The following ATG16L1 variants were observed in gnomAD, a reference collection of about 807,000 sequenced individuals.
ATG16L1 encodes the protein autophagy-related protein 16-1.
A neutral mutation model predicts 88.5 loss-of-function variants in ATG16L1; 37 were observed. That is an observed-to-expected ratio of 0.42 (90% confidence interval 0.32 to 0.55). The LOEUF (loss-of-function observed/expected upper bound fraction) is 0.55. Among genes scored for constraint, ATG16L1 ranks in the 20% least tolerant of loss-of-function variants. The pLI is 0.13. For missense variants in ATG16L1, 554 were observed against 752.8 expected, an observed-to-expected ratio of 0.74 and a Z score of 3.09; for synonymous variants, 301 against 281.0, an observed-to-expected ratio of 1.07 and a Z score of -0.71.
chr2:233,252,093 T>A (rs1696412827), intron 1 of ATG16L1, 151 bp downstream of exon 1: 1 of 568,266 alleles, frequency 1.8e-6, no homozygotes, highest in African/African-American at 2.0e-5. Context: ...CCGCACGCCT[T>A]TTAAATGTTT....
chr2:233,270,175 CTCTG>C, intron 6 of ATG16L1, 108 bp downstream of exon 6: 1 of 1,001,232 alleles, frequency 1.0e-6, no homozygotes, highest in Non-Finnish European at 1.4e-6. Flanking sequence ...CAGGGTCTTG[CTCTG>C]TTGCCCAGGC....
At position 233,293,240 on chromosome 2, in the gene ATG16L1, T is replaced by G. The variant is rs1277106110; in HGVS notation, c.1629-16T>G. ...TGGGGAATTGACAACCTTTCTTTTCTTACTGTCTTCTGTAGCCCTGATGGC... is the reference window on the plus strand; with the variant it reads ...TGGGGAATTGACAACCTTTCTTTTCGTACTGTCTTCTGTAGCCCTGATGGC... On this transcript the variant is annotated splice_polypyrimidine_tract_variant and intron_variant, in intron 16 of 17. Transcript: ENST00000392017. 5.6e-6 allele frequency: 9 copies of G among 1,611,442 alleles called. No individual in the cohort carries two copies. In the African/African-American group the frequency reaches 9.4e-5, roughly 17 times the overall value.
At chr2:233,274,283 A>G in intron 8 of ATG16L1, 1 of 507,576 alleles carries the variant, frequency 2.0e-6, no homozygotes, top group Non-Finnish European at 3.5e-6. Context: ...ACAAGTGATG[A>G]GGTTGATTCT....
chr2:233,278,699 G>C (rs1382519636), intron 10 of ATG16L1, among the ~76,000 whole-genome samples: 1 of 152,084 alleles, frequency 6.6e-6, no homozygotes, highest in East Asian at 1.9e-4. Flanking sequence ...AATCTTAGGG[G>C]TACTGCTTTT....
At position 233,265,101 on chromosome 2, in the gene ATG16L1, A is replaced by G. The variant is rs748179936; in HGVS notation, c.599A>G (p.Gln200Arg). Residue 200 changes from glutamine to arginine, a missense_variant, in exon 5 of 18, where the codon CAG (glutamine) becomes CGG (arginine). Physicochemically the swap from Gln to Arg is conservative, Grantham distance 43. Around this residue, in one of 5 missense-constraint regions of ATG16L1, gnomAD observed 370 missense variants for 509.7 expected, o/e 0.73. Coordinates refer to ENST00000392017, the MANE Select transcript of ATG16L1 (RefSeq NM_030803.7). ...LVTRWMAEKA[Q>R]EANRLNAENE... ...ACCAGATGGATGGCTGAGAAAGCCC[A>G]GGAAGCCAATCGGCTTAATGCAGAG... The G allele has an allele frequency of 6.2e-7, 1 of 1,614,234 alleles. No homozygotes were observed.
Position 233,283,750 on chromosome 2 carries a change from T to C in ATG16L1, c.1203+997T>C, listed in dbSNP as rs540394502. Among the ~76,000 whole-genome samples, 8 of 152,210 alleles carry C rather than the reference T, an allele frequency of 5.3e-5. No individual in the cohort carries two copies. The South Asian group carries it at 1.5e-3, about 28-fold the overall frequency. Reference sequence around the variant, plus strand: ...TGGGGTTTCACCATGTTGGCCAGGCTGGTCTTGAACTTCTGACCTCAAGGG... The same window carrying C: ...TGGGGTTTCACCATGTTGGCCAGGCCGGTCTTGAACTTCTGACCTCAAGGG... On this transcript the variant is annotated intron_variant, in intron 12 of 17. Coordinates refer to ENST00000392017, the MANE Select transcript of ATG16L1 (RefSeq NM_030803.7).
chr2:233,270,140 T>TA (rs1697891483), intron 6 of ATG16L1, 73 bp downstream of exon 6: 2 of 1,458,852 alleles, frequency 1.4e-6, no homozygotes, highest in Admixed American at 2.5e-5. Flanking sequence ...TTTTTATTTT[T>TA]TTTTTTGTTT....
intron 14 of ATG16L1, 38 bp from the exon 15 acceptor site, chr2:233,292,090 G>A (rs1699502753): frequency 1.2e-6 from 2 of 1,606,858 alleles, no homozygotes; most frequent in Non-Finnish European, 1.7e-6. Context: ...AGTAGTTCTG[G>A]CCTACGTTAC....
At chr2:233,292,658 T>G (rs551475146) in intron 16 of ATG16L1, among the ~76,000 whole-genome samples, 3 of 152,364 alleles carry the variant, frequency 2.0e-5, no homozygotes, top group Admixed American at 1.3e-4. Flanking sequence ...AAATAACAGT[T>G]GGCTGGTTGC....
intron 12 of ATG16L1, among the ~76,000 whole-genome samples, chr2:233,284,709 A>G (rs1698963302): frequency 6.6e-6 from 1 of 151,958 alleles, no homozygotes. Flanking sequence ...ACCTCAAGTG[A>G]TCCGTCTGCC....
At chr2:233,279,753 C>T (rs1009596770) in intron 10 of ATG16L1, among the ~76,000 whole-genome samples, 2 of 151,950 alleles carry the variant, frequency 1.3e-5, no homozygotes, top group Non-Finnish European at 2.9e-5. Flanking sequence ...ACATAGCACC[C>T]CCCGCCCCCA....
intron 1 of ATG16L1, among the ~76,000 whole-genome samples, chr2:233,252,231 G>C (rs969702669): frequency 6.6e-6 from 1 of 152,216 alleles, no homozygotes; most frequent in Admixed American, 6.5e-5. Flanking sequence ...ACTTAAATAG[G>C]TCCCAGAAAC....
intron 7 of ATG16L1, chr2:233,273,340 G>A: frequency 4.0e-6 from 2 of 497,124 alleles, no homozygotes; most frequent in East Asian, 3.4e-5. Context: ...GATTGTTTAG[G>A]TTTGATCATC....
At chr2:233,275,928 C>G (rs776217043) in intron 9 of ATG16L1, 5 of 519,024 alleles carry the variant, frequency 9.6e-6, no homozygotes, top group Admixed American at 5.8e-5. Context: ...TCCAACAAAA[C>G]CAGTTACACA....
intron 2 of ATG16L1, among the ~76,000 whole-genome samples, chr2:233,256,576 T>C (rs562351143): frequency 6.6e-6 from 1 of 152,286 alleles, no homozygotes; most frequent in African/African-American, 2.4e-5. Context: ...GATTGGCACA[T>C]ACGTAAAAAT....
chr2:233,251,772 CG>C lies in ATG16L1; in HGVS notation c.-54del, dbSNP rs1438382386. ...GCTGGTTGCTTCATGCTGCAGGCTGCGGCCGTCAGCCCTCGCTCGCATTGGT... is the reference window on the plus strand; with the variant it reads ...GCTGGTTGCTTCATGCTGCAGGCTGCGCCGTCAGCCCTCGCTCGCATTGGT... On this transcript the variant is annotated 5_prime_UTR_variant, in exon 1 of 18. It removes the in-frame stop codon of an upstream open reading frame in the 5' UTR. Coordinates refer to ENST00000392017, the MANE Select transcript of ATG16L1 (RefSeq NM_030803.7). 6.8e-7 allele frequency: 1 copy of C among 1,477,996 alleles called. No homozygotes were observed. Among genetic ancestry groups the C allele is most frequent in the African/African-American group, 1.4e-5 (1 of 70,898 alleles). 91.6% of individuals were successfully genotyped at this position (1,477,996 alleles called of 1,614,324 possible).
At position 233,251,737 on chromosome 2, in the gene ATG16L1, T is replaced by A; in HGVS notation, c.-91T>A. Reference sequence around the variant, plus strand: ...AGGTGAGCTCCGGGATTGCCGGCATTCCCGCTTCTGCTGGTTGCTTCATGC... The same window carrying A: ...AGGTGAGCTCCGGGATTGCCGGCATACCCGCTTCTGCTGGTTGCTTCATGC... On this transcript the variant is annotated 5_prime_UTR_variant, in exon 1 of 18. Transcript: ENST00000392017. 2 of 1,218,446 alleles carry A rather than the reference T, an allele frequency of 1.6e-6. No individual in the cohort carries two copies. The highest frequency in any genetic ancestry group is 2.3e-6 in the Non-Finnish European group (2 of 854,102). 75.5% of individuals were successfully genotyped at this position (1,218,446 alleles called of 1,614,324 possible).
intron 3 of ATG16L1, 40 bp downstream of exon 3, chr2:233,263,275 A>G (rs192772825): frequency 3.1e-5 from 49 of 1,570,940 alleles, no homozygotes; most frequent in East Asian, 2.7e-4. Context: ...TCTGCCCTCT[A>G]TGAGAGTCCT....
intron 2 of ATG16L1, among the ~76,000 whole-genome samples, chr2:233,259,481 C>T (rs1490147983): frequency 6.6e-6 from 1 of 152,118 alleles, no homozygotes; most frequent in Non-Finnish European, 1.5e-5. Context: ...TTGTAGTGAG[C>T]CACAGTCAGT....
Sources: gnomAD v4.1 joint callset for allele counts (sites outside exome capture counted in the v4.1 genomes callset) on GRCh38, gnomAD v4.1.1 for gene constraint, gnomAD v4.1.1 regional missense constraint, MANE v1.5 for transcripts, NCBI Gene and HGNC (gene_info 2026-07-23, HGNC 2026-07-21) for gene names.